The following PRH1 variants were observed in gnomAD, a reference collection of about 807,000 sequenced individuals.
The protein encoded by PRH1 is proline rich protein HaeIII subfamily 1.
Under a neutral mutation model 7.9 loss-of-function variants are expected in PRH1, and 7 were observed. The ratio of observed to expected loss-of-function variants is 0.89; its 90% CI spans 0.50 to 1.67. The LOEUF (loss-of-function observed/expected upper bound fraction) is 1.67. PRH1 is among the 40% of genes most tolerant of loss of function. The pLI, the probability that PRH1 is intolerant of heterozygous loss-of-function variation, is 0.00. For missense variants in PRH1, 109 were observed against 223.6 expected, an observed-to-expected ratio of 0.49 and a Z score of 3.27; for synonymous variants, 45 against 80.8, an observed-to-expected ratio of 0.56 and a Z score of 2.38.
intron 1 of PRH1, among the ~76,000 whole-genome samples, chr12:10,978,377 A>C (rs772611669): frequency 6.6e-6 from 1 of 152,250 alleles, no homozygotes; most frequent in South Asian, 2.1e-4. Flanking sequence ...AGAAGATTCA[A>C]ACTGGATACT....
intron 2 of PRH1, among the ~76,000 whole-genome samples, chr12:10,919,674 GT>G (rs138424224): frequency 1.3e-4 from 19 of 148,048 alleles, no homozygotes; most frequent in South Asian, 4.3e-4. Context: ...AACAGTCTAC[GT>G]TTTTTTTTTG....
intron 1 of PRH1, chr12:11,133,552 C>A: frequency 6.2e-7 from 1 of 1,614,058 alleles, no homozygotes; most frequent in African/African-American, 1.3e-5. Flanking sequence ...GAAAGGAGGT[C>A]ACAGTTTGCA....
At chr12:11,074,400 C>T (rs1216405799) in intron 1 of PRH1, among the ~76,000 whole-genome samples, 4 of 141,354 alleles carry the variant, frequency 2.8e-5, no homozygotes, top group Admixed American at 7.2e-5. Context: ...TGAGCATCCT[C>T]TCCACATCCC....
At chr12:10,946,396 T>A (rs573189982) in intron 2 of PRH1, among the ~76,000 whole-genome samples, 3 of 152,322 alleles carry the variant, frequency 2.0e-5, no homozygotes, top group South Asian at 2.1e-4. Context: ...CAGGAATTTA[T>A]CTATCTCTTC....
chr12:11,032,510 T>C (rs1480229668), intron 1 of PRH1, among the ~76,000 whole-genome samples: 2 of 152,218 alleles, frequency 1.3e-5, no homozygotes, highest in African/African-American at 4.8e-5. Context: ...AATATACACA[T>C]GTGCACACCA....
intron 1 of PRH1, among the ~76,000 whole-genome samples, chr12:11,085,973 A>T (rs1944672797): frequency 2.5e-5 from 3 of 121,744 alleles, no homozygotes; most frequent in Admixed American, 1.6e-4. Context: ...GTGAATCCTA[A>T]ATTTTCCTAC....
chr12:10,914,303 T>G (rs943488110), intron 2 of PRH1, among the ~76,000 whole-genome samples: 2 of 152,214 alleles, frequency 1.3e-5, no homozygotes, highest in Admixed American at 1.3e-4. Context: ...CAGAGGGAGA[T>G]GCTCTAAAAG....
chr12:11,171,512 C>T (rs887348473), upstream of PRH1: 2 of 1,232,356 alleles, frequency 1.6e-6, no homozygotes, highest in East Asian at 3.2e-5. Context: ...TCCCGTACTT[C>T]TACGTCGCGG....
intron 1 of PRH1, chr12:11,034,711 G>T (rs1341944601): frequency 6.6e-6 from 1 of 152,388 alleles, no homozygotes; most frequent in Non-Finnish European, 1.5e-5. Flanking sequence ...TTCAAGACCA[G>T]CCTGTGCAAC....
At chr12:11,000,177 G>A (rs1228314413) in intron 1 of PRH1, among the ~76,000 whole-genome samples, 8 of 151,838 alleles carry the variant, frequency 5.3e-5, no homozygotes, top group African/African-American at 1.7e-4. Flanking sequence ...TCTCTTTATC[G>A]CTATTTGCAT....
intron 1 of PRH1, chr12:11,134,455 T>G: frequency 1.7e-6 from 1 of 591,228 alleles, no homozygotes; most frequent in Non-Finnish European, 2.8e-6. Flanking sequence ...TGGAAAACAT[T>G]CTTATTTTCA....
intron 1 of PRH1, chr12:11,166,054 A>C (rs1240448301): frequency 1.3e-5 from 2 of 152,218 alleles, no homozygotes; most frequent in African/African-American, 4.8e-5. Context: ...CTCCCACAAC[A>C]AGAAAAACTG....
chr12:11,030,282 T>C (rs1942125017), intron 1 of PRH1: 2 of 1,489,804 alleles, frequency 1.3e-6, no homozygotes, highest in African/African-American at 2.8e-5. Flanking sequence ...AAGGCTTTTC[T>C]AGGTATACGT....
chr12:10,991,419 A>G (rs1192108951), intron 1 of PRH1, among the ~76,000 whole-genome samples: 1 of 152,160 alleles, frequency 6.6e-6, no homozygotes, highest in East Asian at 1.9e-4. Flanking sequence ...GCTATTTTAA[A>G]TAAAACTTAA....
At chr12:11,161,466 T>C (rs566889622) in intron 1 of PRH1, among the ~76,000 whole-genome samples, 32 of 152,258 alleles carry the variant, frequency 2.1e-4, no homozygotes, top group African/African-American at 7.5e-4. Context: ...AAAAACATTA[T>C]ATGCAATAAC....
intron 2 of PRH1, among the ~76,000 whole-genome samples, chr12:10,902,280 C>T (rs977509019): frequency 1.6e-4 from 25 of 151,626 alleles, no homozygotes; most frequent in Non-Finnish European, 2.9e-4. Flanking sequence ...AGTTTCAGAC[C>T]TTGAAAACTG....
At chr12:11,148,393 T>C (rs1946940802) in intron 1 of PRH1, among the ~76,000 whole-genome samples, 1 of 149,204 alleles carries the variant, frequency 6.7e-6, no homozygotes, top group African/African-American at 2.4e-5. Context: ...CTTCCAGTTT[T>C]TGCCCATTCA....
At chr12:11,146,270 G>GT (rs5796425) in intron 1 of PRH1, among the ~76,000 whole-genome samples, 68,966 of 151,240 alleles carry the variant, frequency 0.46, 16,504 homozygotes, top group Non-Finnish European at 0.53. Flanking sequence ...CTTCTAGGTA[G>GT]TTTTTTTACT....
chr12:11,164,066 T>C (rs1045528647), intron 1 of PRH1, among the ~76,000 whole-genome samples: 1 of 152,166 alleles, frequency 6.6e-6, no homozygotes, highest in African/African-American at 2.4e-5. Context: ...ATATCATCAG[T>C]AGCTGTGATG....
Sources: allele counts gnomAD v4.1 joint callset (sites outside exome capture counted in the v4.1 genomes callset), GRCh38; gene constraint gnomAD v4.1.1; transcripts MANE v1.5; gene names NCBI Gene and HGNC (gene_info 2026-07-23, HGNC 2026-07-21).